SLC9A4: variants seen among roughly 807,000 people sequenced by gnomAD.
SLC9A4 encodes the protein solute carrier family 9 member A4.
SLC9A4 carries 63 observed loss-of-function variants against 67.4 expected under a neutral mutation model. That is an observed-to-expected ratio of 0.93 (90% CI 0.76 to 1.15). SLC9A4 has a LOEUF of 1.15. Ranked by LOEUF, SLC9A4 falls within the 50% of genes most tolerant of loss-of-function variation. SLC9A4 has a pLI of 0.00. For missense variants in SLC9A4, 1,089 were observed against 987.7 expected, an observed-to-expected ratio of 1.10 and a Z score of -1.38; for synonymous variants, 393 against 367.2, an observed-to-expected ratio of 1.07 and a Z score of -0.80.
intron 2 of SLC9A4, among the ~76,000 whole-genome samples, chr2:102,484,933 T>C (rs1684554544): frequency 6.6e-6 from 1 of 152,210 alleles, no homozygotes; most frequent in African/African-American, 2.4e-5. Context: ...TTCCTGGCTC[T>C]GGATGCCATT....
intron 4 of SLC9A4, 75 bp from the exon 5 acceptor site, chr2:102,508,004 C>G: frequency 6.9e-7 from 1 of 1,446,310 alleles, no homozygotes; most frequent in Admixed American, 1.7e-5. Flanking sequence ...CACGCGCACA[C>G]AACCTCAGTT....
At chr2:102,504,173 C>T (rs1275674856) in intron 3 of SLC9A4, among the ~76,000 whole-genome samples, 1 of 152,214 alleles carries the variant, frequency 6.6e-6, no homozygotes, top group Non-Finnish European at 1.5e-5. Context: ...CTGCCTCAGC[C>T]TCCTGAGTAG....
intron 10 of SLC9A4, among the ~76,000 whole-genome samples, chr2:102,525,743 G>T (rs988830206): frequency 6.6e-6 from 1 of 152,058 alleles, no homozygotes; most frequent in Non-Finnish European, 1.5e-5. Context: ...ACTTTGAAAG[G>T]TTGCTAATGG....
intron 1 of SLC9A4, among the ~76,000 whole-genome samples, chr2:102,475,994 G>A (rs960887239): frequency 6.6e-6 from 1 of 152,126 alleles, no homozygotes; most frequent in Non-Finnish European, 1.5e-5. Flanking sequence ...TACATTTTCT[G>A]AGAACCCATG....
At position 102,533,061 on chromosome 2, in the gene SLC9A4, A is replaced by T. The variant is rs9677607; in HGVS notation, c.*373A>T. Reference sequence around the variant, plus strand: ...CGATATGCATATGCAACTTATAATCAAATAGAACTAGAAGAGACTTTGAAG... The same window carrying T: ...CGATATGCATATGCAACTTATAATCTAATAGAACTAGAAGAGACTTTGAAG... On this transcript the variant is annotated 3_prime_UTR_variant, in exon 12 of 12. Transcript: ENST00000295269. 0.14 allele frequency: 26,251 copies of T among 181,974 alleles called. 2,347 individuals are homozygous for T. Among genetic ancestry groups the T allele is most frequent in the African/African-American group, 0.25 (10,772 of 42,706 alleles). The allele number at this position is 181,974 out of a possible 1,614,324, so 11.3% of individuals were successfully genotyped here. A position where few individuals can be genotyped will look rare whatever the true frequency, so the allele number is the denominator to read the frequency against.
chr2:102,480,372 CT>C (rs34742607), intron 2 of SLC9A4, among the ~76,000 whole-genome samples: 4 of 137,034 alleles, frequency 2.9e-5, no homozygotes, highest in South Asian at 2.3e-4. Flanking sequence ...TTTTTTTTTT[CT>C]TTTTTTTGAG....
rs116646949 is a variant in SLC9A4, at chr2:102,507,620, C to T, written c.1199-459C>T. On this transcript the variant is annotated intron_variant, in intron 4 of 11. Transcript: ENST00000295269. ...GATTTGATTGTAGAGACCACGGTCT[C>T]TAAGAGGACCCCTCTCATTTTTAAA... 5.2e-3 allele frequency among the ~76,000 whole-genome samples: 787 copies of T among 152,166 alleles called. 10 individuals carry two copies. The highest frequency in any genetic ancestry group is 0.018 in the African/African-American group (767 of 41,502).
At position 102,489,560 on chromosome 2, in the gene SLC9A4, T is replaced by C. The variant is rs527401535; in HGVS notation, c.720+10258T>C. 1.4e-4 allele frequency among the ~76,000 whole-genome samples: 21 copies of C among 152,332 alleles called. No individual in the cohort carries two copies. In the East Asian group the frequency reaches 3.7e-3, roughly 27 times the overall value. On this transcript the variant is annotated intron_variant, in intron 2 of 11. Coordinates refer to ENST00000295269, the MANE Select transcript of SLC9A4 (RefSeq NM_001011552.4). ...AAAAGAATTCCTTAAAGAAATGTCA[T>C]TGCTGCACCCTAGGTCAATAAACAG...
chr2:102,494,053 T>C (rs923964870), intron 2 of SLC9A4, among the ~76,000 whole-genome samples: 6 of 151,880 alleles, frequency 4.0e-5, no homozygotes, highest in Admixed American at 2.0e-4. Flanking sequence ...ATGTGCATGG[T>C]GGGGACCATA....
intron 2 of SLC9A4, among the ~76,000 whole-genome samples, chr2:102,499,959 C>T (rs865888719): frequency 1.3e-5 from 2 of 152,268 alleles, no homozygotes; most frequent in Middle Eastern, 3.4e-3. Context: ...GTCTGTAACA[C>T]AAGTTAATTT....
chr2:102,473,780 G>T lies in SLC9A4; in HGVS notation c.21G>T (p.Val7=). 1 of 1,613,986 alleles carries T rather than the reference G, an allele frequency of 6.2e-7. No homozygotes were observed. The highest frequency in any genetic ancestry group is 1.1e-5 in the South Asian group (1 of 91,064). The change falls in exon 1 of 12, where the codon GTG becomes GTT. Residue 7 remains valine (V), a synonymous_variant. Transcript: ENST00000295269. ...CAGGAATGGCTCTGCAGATGTTCGT[G>T]ACTTACAGTCCTTGGAATTGTTTGC... is the stretch of plus-strand genomic sequence containing the variant. MALQMF[V]TYSPWNCLLL... is the part of the protein sequence containing the mutation.
chr2:102,527,584 A>G (rs1349851349), intron 11 of SLC9A4, among the ~76,000 whole-genome samples: 1 of 152,212 alleles, frequency 6.6e-6, no homozygotes, highest in Non-Finnish European at 1.5e-5. Flanking sequence ...TTACTCCCTT[A>G]GTATATTTTC....
rs557958083 is a variant in SLC9A4, at chr2:102,475,757, A to G, written c.256+1742A>G. 3.9e-5 allele frequency among the ~76,000 whole-genome samples: 6 copies of G among 152,298 alleles called. No individual in the cohort carries two copies. In the East Asian group the frequency reaches 9.6e-4, roughly 24 times the overall value. On this transcript the variant is annotated intron_variant, in intron 1 of 11. Transcript: ENST00000295269. ...ATGGACATGAGGAGTGAGGAGATAA[A>G]AAGGCCATATTTATTGAATATATAC...
At position 102,486,755 on chromosome 2, in the gene SLC9A4, ATGT is replaced by A. The variant is rs907254787; in HGVS notation, c.720+7457_720+7459del. ...CTGACTTCAAAGGGTGATTGTGAGG[ATGT>A]TGTGAAATGAGACTTCGGATGCCTG... On this transcript the variant is annotated intron_variant, in intron 2 of 11. Coordinates refer to ENST00000295269, the MANE Select transcript of SLC9A4 (RefSeq NM_001011552.4). Among the ~76,000 whole-genome samples the A allele has an allele frequency of 5.3e-5, 8 of 152,266 alleles. No homozygotes were observed. In the South Asian group the frequency reaches 1.0e-3, roughly 20 times the overall value.
At chr2:102,476,055 G>A (rs929702977) in intron 1 of SLC9A4, among the ~76,000 whole-genome samples, 4 of 152,196 alleles carry the variant, frequency 2.6e-5, no homozygotes, top group African/African-American at 9.6e-5. Flanking sequence ...TTGGTCTAAC[G>A]GGGAAGATAG....
chr2:102,498,540 C>T (rs779008176), intron 2 of SLC9A4, among the ~76,000 whole-genome samples: 1 of 152,230 alleles, frequency 6.6e-6, no homozygotes, highest in Non-Finnish European at 1.5e-5. Context: ...TTCCACTTAA[C>T]CTCATTCAGA....
intron 10 of SLC9A4, among the ~76,000 whole-genome samples, 193 bp downstream of exon 10, chr2:102,525,348 C>G (rs747008119): frequency 6.6e-6 from 1 of 151,954 alleles, no homozygotes; most frequent in South Asian, 2.1e-4. Context: ...GGTTCAGGGC[C>G]CCAAGGCATC....
intron 1 of SLC9A4, among the ~76,000 whole-genome samples, chr2:102,477,087 A>G (rs1684349315): frequency 6.6e-6 from 1 of 152,134 alleles, no homozygotes; most frequent in Non-Finnish European, 1.5e-5. Context: ...TCCCAAGGAG[A>G]TATTTGCTGG....
In SLC9A4 at chr2:102,508,855, A is replaced by T. The variant is rs1297618606; in HGVS notation, c.1410A>T (p.Thr470=). 2.5e-6 allele frequency: 4 copies of T among 1,612,654 alleles called. No homozygotes were observed. The highest frequency in any genetic ancestry group is 3.4e-6 in the Non-Finnish European group (4 of 1,179,534). Residue 470 remains threonine, a synonymous_variant, in exon 6 of 12, where the codon ACA becomes ACT. Transcript: ENST00000295269. ...TGTTATTTCTGATCTAGGGAATCAC[A>T]GTTGGCCCTCTGGTCAGGTACCTGG... ...IYFTVFIQGI[T]VGPLVRYLDV... is the part of the protein sequence containing the mutation.
Sources: allele counts gnomAD v4.1 joint callset (sites outside exome capture counted in the v4.1 genomes callset), GRCh38; gene constraint gnomAD v4.1.1; transcripts MANE v1.5; gene names NCBI Gene and HGNC (gene_info 2026-07-23, HGNC 2026-07-21).